WASHC3: variants seen among roughly 807,000 people sequenced by gnomAD.
WASHC3 encodes the protein WASH complex subunit 3, also known as WASH complex subunit CCDC53.
Under a neutral mutation model 26.1 loss-of-function variants are expected in WASHC3, and 24 were observed. The observed-to-expected ratio is 0.92, with a 90% CI of 0.66 to 1.29. The LOEUF (loss-of-function observed/expected upper bound fraction) is 1.29. Among genes scored for constraint, WASHC3 ranks in the 50% most tolerant of loss-of-function variants. The pLI, the probability that WASHC3 is intolerant of heterozygous loss-of-function variation, is 0.00. For missense variants in WASHC3, 214 were observed against 229.6 expected, an observed-to-expected ratio of 0.93 and a Z score of 0.44; for synonymous variants, 77 against 75.7, an observed-to-expected ratio of 1.02 and a Z score of -0.09.
intron 5 of WASHC3, among the ~76,000 whole-genome samples, chr12:102,030,312 A>T (rs920531942): frequency 3.9e-4 from 59 of 151,508 alleles, no homozygotes; most frequent in African/African-American, 1.4e-3. Flanking sequence ...AAAAAAAAAA[A>T]ATTATTGTAT....
chr12:102,013,173 G>A lies in WASHC3; in HGVS notation c.520C>T (p.Pro174Ser). The change falls in exon 7 of 7, where the codon CCT becomes TCT. Residue 174 changes from proline to serine, a missense_variant. Transcript: ENST00000240079. ...DLLERPDAPVPDGESEKTVEE... is the reference protein window; with the variant it reads ...DLLERPDAPVSDGESEKTVEE... ...ACAGTTTTCTCACTTTCGCCATCAGGCACTGGAGCATCTGGCCTCCTAAAA... is the reference window on the plus strand; with the variant it reads ...ACAGTTTTCTCACTTTCGCCATCAGACACTGGAGCATCTGGCCTCCTAAAA... The A allele has an allele frequency of 6.5e-7, 1 of 1,539,428 alleles. No homozygotes were observed. Among genetic ancestry groups the A allele is most frequent in the Non-Finnish European group, 8.8e-7 (1 of 1,133,354 alleles).
intron 5 of WASHC3, among the ~76,000 whole-genome samples, chr12:102,034,368 G>T (rs1248191027): frequency 6.6e-6 from 1 of 152,124 alleles, no homozygotes; most frequent in Non-Finnish European, 1.5e-5. Context: ...TCTCGTGATT[G>T]TTCTTCACTC....
At chr12:102,050,684 C>A (rs1246731949) in intron 2 of WASHC3, 1 of 419,902 alleles carries the variant, frequency 2.4e-6, no homozygotes, top group Non-Finnish European at 4.7e-6. Context: ...AACAAACAAA[C>A]AAAAAACCAA....
rs7975132 is a variant in WASHC3 at position 102,047,360 on chromosome 12, G to A, written c.151-1241C>T. Among the ~76,000 whole-genome samples, 1,364 of 152,292 alleles carry A rather than the reference G, an allele frequency of 9.0e-3. 18 individuals carry two copies. Among genetic ancestry groups the A allele is most frequent in the African/African-American group, 0.031 (1,297 of 41,562 alleles). ...GCAAAAAACTGAAAGTGGCCACAAA[G>A]CAGATAGTGCTTCTTTACAGATCAC... On this transcript the variant is annotated intron_variant, in intron 2 of 6. Transcript: ENST00000240079.
At position 102,061,259 on chromosome 12, in the gene WASHC3, CTG is replaced by C. The variant is rs768956856; in HGVS notation, c.137_138del (p.Thr46SerfsTer3). On this transcript the variant is annotated frameshift_variant, in exon 2 of 7. Coordinates refer to ENST00000240079, the MANE Select transcript of WASHC3 (RefSeq NM_016053.4). LOFTEE classifies it high-confidence loss of function. Reference protein sequence around the residue: ...HTVQFLNRFSTVCEEKLADLS... With the variant: ...HTVQFLNRFSXVCEEKLADLS... ...ATCACCGGACCTACCTCCTCACAAA[CTG>C]TAGAAAAGCGGTTGAGGAACTGTAC... is the stretch of plus-strand genomic sequence containing the variant. 6.2e-7 allele frequency: 1 copy of C among 1,613,326 alleles called. No homozygotes were observed. Among genetic ancestry groups the C allele is most frequent in the Non-Finnish European group, 8.5e-7 (1 of 1,179,326 alleles).
chr12:102,046,354 G>A (rs1188593754), intron 2 of WASHC3, among the ~76,000 whole-genome samples: 1 of 151,772 alleles, frequency 6.6e-6, no homozygotes, highest in African/African-American at 2.4e-5. Flanking sequence ...GGAGCGCAGT[G>A]GTGCGATCTC....
intron 2 of WASHC3, chr12:102,050,389 C>T (rs184662905): frequency 6.5e-5 from 27 of 416,660 alleles, no homozygotes; most frequent in East Asian, 6.4e-4. Context: ...AGGCCGAGGC[C>T]GAGGGATCAC....
intron 2 of WASHC3, chr12:102,050,077 G>GGA (rs1878325355): frequency 4.8e-6 from 1 of 210,332 alleles, no homozygotes; most frequent in Non-Finnish European, 9.9e-6. Context: ...TAGTACTTTG[G>GGA]GAGGCCGAAG....
intron 2 of WASHC3, among the ~76,000 whole-genome samples, chr12:102,058,783 C>A (rs567470960): frequency 1.3e-5 from 2 of 151,812 alleles, no homozygotes; most frequent in Admixed American, 1.3e-4. Flanking sequence ...TTCACAATAG[C>A]CAAGATACGG....
At chr12:102,046,359 G>A (rs186342576) in intron 2 of WASHC3, among the ~76,000 whole-genome samples, 19 of 151,974 alleles carry the variant, frequency 1.3e-4, no homozygotes, top group African/African-American at 4.6e-4. Flanking sequence ...GCAGTGGTGC[G>A]ATCTCGGCTC....
chr12:102,037,723 G>A (rs1185941892), intron 5 of WASHC3, among the ~76,000 whole-genome samples: 2 of 152,176 alleles, frequency 1.3e-5, no homozygotes, highest in African/African-American at 4.8e-5. Flanking sequence ...TATTCCTAGT[G>A]AGGTGATAAG....
At chr12:102,024,336 A>G (rs1485300469) in intron 6 of WASHC3, among the ~76,000 whole-genome samples, 1 of 152,218 alleles carries the variant, frequency 6.6e-6, no homozygotes, top group East Asian at 1.9e-4. Context: ...GGCTTGAAAG[A>G]GAACAGGAAA....
intron 4 of WASHC3, among the ~76,000 whole-genome samples, chr12:102,043,279 T>A (rs947228195): frequency 6.6e-6 from 1 of 152,060 alleles, no homozygotes; most frequent in African/African-American, 2.4e-5. Context: ...TTATTTATTT[T>A]TTATTTTTGA....
At chr12:102,054,244 C>T (rs953257090) in intron 2 of WASHC3, among the ~76,000 whole-genome samples, 1 of 152,134 alleles carries the variant, frequency 6.6e-6, no homozygotes, top group African/African-American at 2.4e-5. Flanking sequence ...TCAATAATTA[C>T]CCTGAATGTA....
chr12:102,017,683 A>T (rs1876767455), intron 6 of WASHC3: 1 of 347,776 alleles, frequency 2.9e-6, no homozygotes, highest in African/African-American at 2.2e-5. Context: ...GAACTGCCAA[A>T]CTTTTCCACA....
intron 6 of WASHC3, among the ~76,000 whole-genome samples, chr12:102,019,757 A>G (rs1174709204): frequency 6.6e-6 from 1 of 152,220 alleles, no homozygotes; most frequent in Non-Finnish European, 1.5e-5. Context: ...CTAATTACTA[A>G]GTCTAAACTA....
intron 6 of WASHC3, among the ~76,000 whole-genome samples, chr12:102,014,332 A>G (rs1876609545): frequency 8.7e-6 from 1 of 115,208 alleles, no homozygotes; most frequent in African/African-American, 3.4e-5. Flanking sequence ...TGGCCTCCCA[A>G]AGTGCTGGGA....
intron 5 of WASHC3, among the ~76,000 whole-genome samples, chr12:102,037,063 A>T (rs994435179): frequency 2.6e-5 from 4 of 152,232 alleles, no homozygotes; most frequent in African/African-American, 9.6e-5. Flanking sequence ...CATATGCTGT[A>T]TGTACCAAGT....
At chr12:102,055,556 G>A (rs1878561427) in intron 2 of WASHC3, among the ~76,000 whole-genome samples, 1 of 152,194 alleles carries the variant, frequency 6.6e-6, no homozygotes, top group African/African-American at 2.4e-5. Flanking sequence ...ATGTTGGCCA[G>A]GCTGGTCTCG....
Sources: gnomAD v4.1 joint callset for allele counts (sites outside exome capture counted in the v4.1 genomes callset) on GRCh38, gnomAD v4.1.1 for gene constraint, MANE v1.5 for transcripts, NCBI Gene and HGNC (gene_info 2026-07-23, HGNC 2026-07-21) for gene names.